Variants in HPSE2 observed in about 807,000 individuals in gnomAD.
The protein encoded by HPSE2 is heparanase 2 (inactive).
Under a neutral mutation model 60.5 loss-of-function variants are expected in HPSE2, and 38 were observed. The observed-to-expected ratio is 0.63, with a 90% confidence interval of 0.48 to 0.82. HPSE2 has a LOEUF of 0.82. HPSE2 is among the 40% of genes least tolerant of loss of function. HPSE2 has a pLI of 0.00. For missense variants in HPSE2, 713 were observed against 740.4 expected (o/e 0.96, Z 0.43); for synonymous variants, 295 against 293.2 (o/e 1.01, Z -0.06).
intron 3 of HPSE2, among the ~76,000 whole-genome samples, chr10:98,809,708 T>C (rs909377437): frequency 1.3e-5 from 2 of 152,124 alleles, no homozygotes; most frequent in Non-Finnish European, 1.5e-5. Context: ...AACTGAAATA[T>C]TTAGTGCAAG....
chr10:98,752,973 T>C (rs1180468789), intron 3 of HPSE2, among the ~76,000 whole-genome samples: 2 of 152,204 alleles, frequency 1.3e-5, no homozygotes, highest in South Asian at 2.1e-4. Flanking sequence ...TTTACTCATA[T>C]GTGGAATCTA....
At chr10:98,490,002 G>T in intron 10 of HPSE2, 49 bp downstream of exon 10, 1 of 1,609,812 alleles carries the variant, frequency 6.2e-7, no homozygotes, top group Non-Finnish European at 8.5e-7. Context: ...AAATGGTATG[G>T]GGTGGGAGCC....
At chr10:99,181,377 G>A (rs563518574) in intron 2 of HPSE2, among the ~76,000 whole-genome samples, 4,469 of 127,896 alleles carry the variant, frequency 0.035, 114 homozygotes, top group Middle Eastern at 0.097. Context: ...CAGCCTGGGC[G>A]ACAGAGCGAG....
chr10:98,867,605 A>C (rs929634961), intron 3 of HPSE2, among the ~76,000 whole-genome samples: 2 of 152,174 alleles, frequency 1.3e-5, no homozygotes, highest in Non-Finnish European at 2.9e-5. Flanking sequence ...AAAAACTAAA[A>C]ATAGGCTACC....
intron 9 of HPSE2, among the ~76,000 whole-genome samples, chr10:98,533,838 A>C (rs919120557): frequency 3.3e-5 from 5 of 152,228 alleles, no homozygotes; most frequent in African/African-American, 1.2e-4. Flanking sequence ...CAGATGGAGA[A>C]CATGCTGATT....
intron 3 of HPSE2, among the ~76,000 whole-genome samples, chr10:99,023,706 C>G (rs185015484): frequency 5.1e-4 from 77 of 152,326 alleles, no homozygotes; most frequent in Non-Finnish European, 8.5e-4. Flanking sequence ...GCCTGATAAT[C>G]CAGTGAATTC....
intron 3 of HPSE2, among the ~76,000 whole-genome samples, chr10:99,081,624 A>T (rs1843142778): frequency 8.2e-6 from 1 of 122,406 alleles, no homozygotes; most frequent in African/African-American, 2.7e-5. Flanking sequence ...TGATGATGAG[A>T]TAATATAATT....
At chr10:99,129,635 A>G (rs914615855) in intron 3 of HPSE2, among the ~76,000 whole-genome samples, 12 of 152,114 alleles carry the variant, frequency 7.9e-5, no homozygotes, top group African/African-American at 2.4e-4. Flanking sequence ...CAGCTAAAGC[A>G]ATGCTAAGAG....
chr10:98,952,823 A>C (rs4275549), intron 3 of HPSE2, among the ~76,000 whole-genome samples: 73,019 of 151,808 alleles, frequency 0.48, 19,663 homozygotes, highest in East Asian at 0.62. Flanking sequence ...TCTTCTTCTT[A>C]TAAGGCCACC....
intron 9 of HPSE2, among the ~76,000 whole-genome samples, chr10:98,497,905 G>A (rs1441242561): frequency 2.0e-5 from 3 of 152,112 alleles, no homozygotes; most frequent in Non-Finnish European, 4.4e-5. Context: ...GTTTTGCTAG[G>A]ATGCTTATAG....
At chr10:99,018,272 A>T (rs370590481) in intron 3 of HPSE2, among the ~76,000 whole-genome samples, 3 of 152,196 alleles carry the variant, frequency 2.0e-5, no homozygotes, top group African/African-American at 7.2e-5. Context: ...TAGTATGAAA[A>T]TCTAGACTTA....
intron 6 of HPSE2, among the ~76,000 whole-genome samples, chr10:98,652,736 G>C (rs1946950923): frequency 1.3e-5 from 2 of 152,148 alleles, no homozygotes; most frequent in Non-Finnish European, 2.9e-5. Context: ...CAAAGCCTAG[G>C]CTTAATTAAA....
At chr10:98,625,101 T>A (rs1199579382) in intron 7 of HPSE2, among the ~76,000 whole-genome samples, 2 of 152,260 alleles carry the variant, frequency 1.3e-5, no homozygotes, top group East Asian at 3.8e-4. Flanking sequence ...CAGGAGACTG[T>A]GTGTAACACA....
At chr10:99,252,876 C>CAAAAA in the HPSE2 span, among the ~76,000 whole-genome samples, 1 of 103,854 alleles carries the variant, frequency 9.6e-6, no homozygotes, top group Non-Finnish European at 2.0e-5. Context: ...GACTCCGTCT[C>CAAAAA]AAAAAAAAAA....
intron 3 of HPSE2, among the ~76,000 whole-genome samples, chr10:99,083,892 T>A (rs1385474741): frequency 6.7e-6 from 1 of 149,524 alleles, no homozygotes; most frequent in Non-Finnish European, 1.5e-5. Context: ...TGGAAATACC[T>A]GAGCCAGAAG....
intron 4 of HPSE2, among the ~76,000 whole-genome samples, chr10:98,723,851 C>T (rs1948994107): frequency 6.6e-6 from 1 of 152,098 alleles, no homozygotes; most frequent in Admixed American, 6.6e-5. Context: ...TGATTCTTCT[C>T]TCTTTTCTTC....
rs551655645 is a variant in HPSE2, at chr10:98,692,506, C to T, written c.1004+1394G>A. On this transcript the variant is annotated intron_variant, in intron 6 of 11. Transcript: ENST00000370552. ...ACTTAAGGCCGGGCGCGGTGGCTCA[C>T]GCCTGTAATCCCAGCACTTTGGGAG... is the stretch of plus-strand genomic sequence containing the variant. Among the ~76,000 whole-genome samples the T allele has an allele frequency of 1.8e-4, 28 of 152,006 alleles. No individual in the cohort carries two copies. The Middle Eastern group carries it at 0.01, about 55-fold the overall frequency.
chr10:98,960,772 G>A (rs1955655510), intron 3 of HPSE2, among the ~76,000 whole-genome samples: 1 of 121,720 alleles, frequency 8.2e-6, no homozygotes, highest in South Asian at 2.7e-4. Flanking sequence ...AAGTTTTAGG[G>A]TACATGTGCA....
intron 3 of HPSE2, among the ~76,000 whole-genome samples, chr10:98,895,650 G>A (rs963235297): frequency 2.0e-5 from 3 of 151,788 alleles, no homozygotes; most frequent in Non-Finnish European, 4.4e-5. Flanking sequence ...GTTTATTGCG[G>A]CACTATTCAC....
Sources: allele counts gnomAD v4.1 joint callset (sites outside exome capture counted in the v4.1 genomes callset), GRCh38; gene constraint gnomAD v4.1.1; transcripts MANE v1.5; gene names NCBI Gene and HGNC (gene_info 2026-07-23, HGNC 2026-07-21).